CACHD1: variants seen among roughly 807,000 people sequenced by gnomAD.
CACHD1 encodes cache domain containing 1.
Under a neutral mutation model 138.7 loss-of-function variants are expected in CACHD1, and 71 were observed. The ratio of observed to expected loss-of-function variants is 0.51; its 90% CI spans 0.42 to 0.62. The LOEUF (loss-of-function observed/expected upper bound fraction) is 0.62. CACHD1 is among the 20% of genes least tolerant of loss of function. CACHD1 has a pLI of 0.00. For missense variants in CACHD1, 1,389 were observed against 1,625.3 expected, an observed-to-expected ratio of 0.85 and a Z score of 2.50; for synonymous variants, 578 against 591.5, an observed-to-expected ratio of 0.98 and a Z score of 0.33.
intron 4 of CACHD1, among the ~76,000 whole-genome samples, chr1:64,616,154 T>C (rs373836671): frequency 6.6e-5 from 10 of 152,280 alleles, no homozygotes; most frequent in African/African-American, 2.2e-4. Flanking sequence ...ATAAATAGTC[T>C]CTCTACCCAC....
intron 1 of CACHD1, among the ~76,000 whole-genome samples, chr1:64,536,676 G>A (rs553055340): frequency 6.6e-6 from 1 of 152,290 alleles, no homozygotes; most frequent in African/African-American, 2.4e-5. Context: ...TCTGTCAAAT[G>A]AGTAGTTGTA....
chr1:64,470,793 C>T lies in CACHD1; in HGVS notation c.49C>T (p.Arg17Trp), dbSNP rs954329947. ...EEETAVARAR[R>W]PPLWLLCLVA... ...GGAGACGGCCGTGGCCCGGGCGCGGCGGCCGCCCCTCTGGCTGCTCTGCCT... is the reference window on the plus strand; with the variant it reads ...GGAGACGGCCGTGGCCCGGGCGCGGTGGCCGCCCCTCTGGCTGCTCTGCCT... The change falls in exon 1 of 27, where the codon CGG (arginine) becomes TGG (tryptophan). Residue 17 changes from arginine to tryptophan, a missense_variant. By Grantham distance (101) the Arg-to-Trp change is moderately radical. Around this residue, in one of 5 missense-constraint regions of CACHD1, gnomAD observed 1,000 missense variants for 1,114.7 expected, o/e 0.90. Coordinates refer to ENST00000651257, the MANE Select transcript of CACHD1 (RefSeq NM_020925.4). This position sits in a 1 kb window ranked among gnomAD's most constrained non-coding sequence, Gnocchi z 5.2. The T allele has an allele frequency of 2.5e-6, 3 of 1,185,008 alleles. No homozygotes were observed. Among genetic ancestry groups the T allele is most frequent in the African/African-American group, 1.5e-5 (1 of 64,718 alleles). The allele number at this position is 1,185,008 out of a possible 1,614,324, so 73.4% of individuals were successfully genotyped here.
intron 12 of CACHD1, among the ~76,000 whole-genome samples, chr1:64,656,343 A>T (rs895562194): frequency 5.9e-5 from 9 of 152,184 alleles, no homozygotes; most frequent in African/African-American, 2.2e-4. Context: ...CTTTAGAATG[A>T]TAGCACCATC....
intron 8 of CACHD1, 147 bp from the exon 9 acceptor site, chr1:64,647,654 T>G: frequency 1.6e-6 from 1 of 629,810 alleles, no homozygotes; most frequent in Non-Finnish European, 2.8e-6. Context: ...GAACTGGTAT[T>G]TGTGTCCAGA....
chr1:64,592,121 A>G (rs577681517), intron 3 of CACHD1, among the ~76,000 whole-genome samples: 1 of 152,352 alleles, frequency 6.6e-6, no homozygotes, highest in South Asian at 2.1e-4. Flanking sequence ...TCATTGTTTT[A>G]ATCTGAACAG....
At chr1:64,639,453 T>G (rs1648630092) in intron 7 of CACHD1, among the ~76,000 whole-genome samples, 1 of 152,256 alleles carries the variant, frequency 6.6e-6, no homozygotes, top group African/African-American at 2.4e-5. Flanking sequence ...CAGCATTCAC[T>G]TCCTAATCTC....
chr1:64,663,454 G>A lies in CACHD1; in HGVS notation c.1952-241G>A, dbSNP rs1249884351. 3.3e-5 allele frequency among the ~76,000 whole-genome samples: 5 copies of A among 151,670 alleles called. No individual in the cohort carries two copies. In the East Asian group the frequency reaches 9.8e-4, roughly 30 times the overall value. On this transcript the variant is annotated intron_variant, in intron 13 of 26. Transcript: ENST00000651257. ...TAGTCCCAGCTACTGGGGAGGCTGA[G>A]GCAGGAGAATGGCAGGAACCCAGGA...
At chr1:64,478,304 TCCA>T (rs1214458072) in intron 1 of CACHD1, among the ~76,000 whole-genome samples, 1 of 152,162 alleles carries the variant, frequency 6.6e-6, no homozygotes, top group Non-Finnish European at 1.5e-5. Context: ...CCTGGCTTTC[TCCA>T]CAAGACTGGG....
At chr1:64,521,200 C>T (rs1646495644) in intron 1 of CACHD1, among the ~76,000 whole-genome samples, 1 of 152,176 alleles carries the variant, frequency 6.6e-6, no homozygotes, top group Non-Finnish European at 1.5e-5. Context: ...GCAGAGGTCT[C>T]AGTTTCCCTC....
At chr1:64,555,229 T>C (rs946187126) in intron 2 of CACHD1, among the ~76,000 whole-genome samples, 1 of 152,118 alleles carries the variant, frequency 6.6e-6, no homozygotes, top group Non-Finnish European at 1.5e-5. Context: ...GCTCAAGCAA[T>C]CCACCATCCT....
intron 1 of CACHD1, among the ~76,000 whole-genome samples, chr1:64,548,630 G>A (rs895554470): frequency 1.2e-4 from 19 of 152,102 alleles, no homozygotes; most frequent in East Asian, 5.8e-4. Flanking sequence ...GTAAAACACC[G>A]GTAGTGGTAT....
chr1:64,513,828 A>C (rs1349201730), intron 1 of CACHD1, among the ~76,000 whole-genome samples: 1 of 152,214 alleles, frequency 6.6e-6, no homozygotes, highest in African/African-American at 2.4e-5. Flanking sequence ...GGGATGCCAG[A>C]TCTGCTAGTT....
At chr1:64,581,852 C>G (rs1032240180) in intron 2 of CACHD1, among the ~76,000 whole-genome samples, 18 of 152,188 alleles carry the variant, frequency 1.2e-4, no homozygotes, top group African/African-American at 4.3e-4. Context: ...ATAATGTCAA[C>G]AGTCTTTGTT....
At chr1:64,640,540 A>G (rs1648671977) in intron 7 of CACHD1, among the ~76,000 whole-genome samples, 1 of 151,904 alleles carries the variant, frequency 6.6e-6, no homozygotes, top group Non-Finnish European at 1.5e-5. Context: ...AGCCAGGCAT[A>G]ATGGCACGTG....
intron 9 of CACHD1, among the ~76,000 whole-genome samples, chr1:64,651,039 C>G (rs1306859655): frequency 1.3e-5 from 2 of 152,158 alleles, no homozygotes; most frequent in Non-Finnish European, 1.5e-5. Context: ...TGACCCACCT[C>G]TCTTTCTACA....
intron 5 of CACHD1, among the ~76,000 whole-genome samples, chr1:64,629,947 G>A (rs1042748706): frequency 6.6e-6 from 1 of 152,118 alleles, no homozygotes; most frequent in Non-Finnish European, 1.5e-5. Flanking sequence ...TTTGAGGTGA[G>A]CAGAAAGCAT....
At chr1:64,574,855 T>C (rs1557500782) in intron 2 of CACHD1, among the ~76,000 whole-genome samples, 1 of 152,202 alleles carries the variant, frequency 6.6e-6, no homozygotes. Flanking sequence ...CTGAAACTTC[T>C]TTGACTACAG....
chr1:64,544,880 T>G (rs1390939444), intron 1 of CACHD1, among the ~76,000 whole-genome samples: 1 of 152,166 alleles, frequency 6.6e-6, no homozygotes, highest in Admixed American at 6.5e-5. Flanking sequence ...AAATTCAGAT[T>G]TGTACAGTAC....
In CACHD1 at chr1:64,555,441, A is replaced by G. The variant is rs573112687; in HGVS notation, c.261+4785A>G. Reference sequence around the variant, plus strand: ...TTTTTGTTTGTTTGTTTGTTTTGAGATGGAGTCTTGCTCTGTCACCCAGGC... The same window carrying G: ...TTTTTGTTTGTTTGTTTGTTTTGAGGTGGAGTCTTGCTCTGTCACCCAGGC... On this transcript the variant is annotated intron_variant, in intron 2 of 26. Coordinates refer to ENST00000651257, the MANE Select transcript of CACHD1 (RefSeq NM_020925.4). 2.0e-5 allele frequency among the ~76,000 whole-genome samples: 3 copies of G among 152,156 alleles called. No homozygotes were observed. The South Asian group carries it at 6.3e-4, about 32-fold the overall frequency.
Sources: gnomAD v4.1 joint callset for allele counts (sites outside exome capture counted in the v4.1 genomes callset) on GRCh38, gnomAD v4.1.1 for gene constraint, gnomAD v4.1.1 regional missense constraint, Gnocchi (gnomAD v3.1) non-coding constraint, MANE v1.5 for transcripts, NCBI Gene and HGNC (gene_info 2026-07-23, HGNC 2026-07-21) for gene names.